Variants in CCDC146 observed in about 807,000 individuals in gnomAD.
CCDC146 encodes the protein coiled-coil domain-containing protein 146.
A neutral mutation model predicts 119.3 loss-of-function variants in CCDC146; 92 were observed. The ratio of observed to expected loss-of-function variants is 0.77; its 90% confidence interval spans 0.65 to 0.92. The LOEUF is 0.92. Ranked by LOEUF, CCDC146 falls within the 40% of genes least tolerant of loss-of-function variation. CCDC146 has a pLI of 0.00. For synonymous variants in CCDC146, 372 were observed against 371.8 expected, an observed-to-expected ratio of 1.00 and a Z score of -0.01; for missense variants, 1,000 against 1,103.0, an observed-to-expected ratio of 0.91 and a Z score of 1.32.
intron 2 of CCDC146, 97 bp downstream of exon 2, chr7:77,167,921 C>T (rs1791362238): frequency 2.1e-6 from 3 of 1,462,156 alleles, no homozygotes; most frequent in Non-Finnish European, 2.8e-6. Context: ...TTCTTTATTA[C>T]ATATATCCTG....
Position 77,274,645 on chromosome 7 carries a change from A to C in CCDC146, c.1433A>C (p.Lys478Thr). 6.2e-7 allele frequency: 1 copy of C among 1,605,372 alleles called. No individual in the cohort carries two copies. The highest frequency in any genetic ancestry group is 8.5e-7 in the Non-Finnish European group (1 of 1,177,466). Reference protein sequence around the residue: ...EKEQKSKDFLKAQQKYTNIVK... With the variant: ...EKEQKSKDFLTAQQKYTNIVK... Reference sequence around the variant, plus strand: ...GAACAAAAGTCCAAGGATTTCCTGAAAGCTCAGGTAACTGCATTTTTTTAA... The same window carrying C: ...GAACAAAAGTCCAAGGATTTCCTGACAGCTCAGGTAACTGCATTTTTTTAA... Residue 478 changes from lysine to threonine, a missense_variant, in exon 11 of 19, where the codon AAA (lysine) becomes ACA (threonine). By Grantham distance (78) the Lys-to-Thr change is moderately conservative. Transcript: ENST00000285871.
chr7:77,252,013 G>A (rs1294732460), intron 4 of CCDC146, among the ~76,000 whole-genome samples: 6 of 152,072 alleles, frequency 3.9e-5, no homozygotes, highest in Non-Finnish European at 7.4e-5. Context: ...GCTGGACGTG[G>A]TGGCACGTGC....
rs548412921 is a variant in CCDC146 at position 77,226,475 on chromosome 7, G to A, written c.157-10472G>A. Reference sequence around the variant, plus strand: ...CTCACTTGGTGAAAGCTCTTACTGAGCTATTACTTCCTTGAAATGTCCTAG... The same window carrying A: ...CTCACTTGGTGAAAGCTCTTACTGAACTATTACTTCCTTGAAATGTCCTAG... On this transcript the variant is annotated intron_variant, in intron 2 of 18. Coordinates refer to ENST00000285871, the MANE Select transcript of CCDC146 (RefSeq NM_020879.3). 3.3e-5 allele frequency among the ~76,000 whole-genome samples: 5 copies of A among 152,284 alleles called. No homozygotes were observed. In the East Asian group the frequency reaches 5.8e-4, roughly 18 times the overall value.
At chr7:77,254,858 T>C (rs1008038175) in intron 5 of CCDC146, among the ~76,000 whole-genome samples, 5 of 152,228 alleles carry the variant, frequency 3.3e-5, no homozygotes, top group African/African-American at 1.2e-4. Flanking sequence ...AAATATTATT[T>C]TGCTATAGCT....
chr7:77,239,141 A>G (rs1476987242), intron 3 of CCDC146, among the ~76,000 whole-genome samples: 1 of 152,190 alleles, frequency 6.6e-6, no homozygotes, highest in Non-Finnish European at 1.5e-5. Flanking sequence ...CATGTTTTAA[A>G]TACATGTGGG....
At chr7:77,206,662 T>TAC (rs1168609089) in intron 2 of CCDC146, among the ~76,000 whole-genome samples, 3 of 141,768 alleles carry the variant, frequency 2.1e-5, no homozygotes, top group African/African-American at 9.0e-5. Flanking sequence ...TATATATATA[T>TAC]ATATATATAT....
intron 14 of CCDC146, among the ~76,000 whole-genome samples, chr7:77,281,845 C>T (rs1430088348): frequency 1.3e-5 from 2 of 152,014 alleles, no homozygotes; most frequent in Non-Finnish European, 2.9e-5. Context: ...AGGTTTTTCT[C>T]CAGGGGAGAA....
At chr7:77,256,965 G>A (rs1793192332) in intron 6 of CCDC146, among the ~76,000 whole-genome samples, 1 of 152,280 alleles carries the variant, frequency 6.6e-6, no homozygotes, top group Non-Finnish European at 1.5e-5. Flanking sequence ...TTAGCCGGGT[G>A]TGTGATGGTG....
At chr7:77,237,221 G>A in intron 3 of CCDC146, 192 bp downstream of exon 3, 2 of 580,212 alleles carry the variant, frequency 3.4e-6, no homozygotes, top group Non-Finnish European at 6.3e-6. Flanking sequence ...AAGGAATCTA[G>A]CCTTGATCAG....
Position 77,274,472 on chromosome 7 carries a change from T to C in CCDC146, c.1270-10T>C. The C allele has an allele frequency of 6.7e-7, 1 of 1,499,218 alleles. No homozygotes were observed. Among genetic ancestry groups the C allele is most frequent in the Non-Finnish European group, 9.0e-7 (1 of 1,114,090 alleles). The allele number at this position is 1,499,218 out of a possible 1,614,324, so 92.9% of individuals were successfully genotyped here. A position where few individuals can be genotyped will look rare whatever the true frequency, so the allele number is the denominator to read the frequency against. On this transcript the variant is annotated splice_polypyrimidine_tract_variant and intron_variant, in intron 10 of 18. Transcript: ENST00000285871. ...TAACTTATAATATTATCTGTGTTTT[T>C]TTTCAAAAGAAAATTATATCAGAAA...
chr7:77,225,875 G>A lies in CCDC146; in HGVS notation c.157-11072G>A, dbSNP rs188972500. Among the ~76,000 whole-genome samples, 1,332 of 152,146 alleles carry A rather than the reference G, an allele frequency of 8.8e-3. 16 individuals are homozygous for A. The highest frequency in any genetic ancestry group is 0.03 in the African/African-American group (1,251 of 41,494). On this transcript the variant is annotated intron_variant, in intron 2 of 18. Coordinates refer to ENST00000285871, the MANE Select transcript of CCDC146 (RefSeq NM_020879.3). The stretch of plus-strand genomic sequence containing the variant: ...GGAGAATCGCTTGAACCCTGGAGGC[G>A]GAGGTTGCAGTGAGCTGAGATTGCG...
chr7:77,225,301 C>G (rs1584089128), intron 2 of CCDC146, among the ~76,000 whole-genome samples: 1 of 152,100 alleles, frequency 6.6e-6, no homozygotes, highest in Admixed American at 6.5e-5. Flanking sequence ...AATCCCATCA[C>G]TTTTGGGGAG....
chr7:77,230,930 C>G lies in CCDC146; in HGVS notation c.157-6017C>G, dbSNP rs181760807. 4.0e-3 allele frequency among the ~76,000 whole-genome samples: 608 copies of G among 152,284 alleles called. 11 individuals are homozygous for G. The highest frequency in any genetic ancestry group is 0.033 in the Admixed American group (501 of 15,294). On this transcript the variant is annotated intron_variant, in intron 2 of 18. Transcript: ENST00000285871. ...ATTCAAATTATATACAGTAGTCCCC[C>G]CCACCATCTGCAATTTTATGTTCTG... is the stretch of plus-strand genomic sequence containing the variant.
chr7:77,211,871 C>T (rs1459965712), intron 2 of CCDC146, among the ~76,000 whole-genome samples: 1 of 152,148 alleles, frequency 6.6e-6, no homozygotes, highest in Non-Finnish European at 1.5e-5. Context: ...CCACCCCAGC[C>T]TCTCAAAGTG....
chr7:77,186,025 C>T (rs574462159), intron 2 of CCDC146, among the ~76,000 whole-genome samples: 1 of 152,244 alleles, frequency 6.6e-6, no homozygotes, highest in South Asian at 2.1e-4. Context: ...AAAAGGGAAG[C>T]CTCATACACT....
chr7:77,279,407 T>C (rs561844864), intron 13 of CCDC146, among the ~76,000 whole-genome samples: 9 of 152,352 alleles, frequency 5.9e-5, no homozygotes, highest in African/African-American at 2.2e-4. Context: ...ATTTTTTTAA[T>C]GAATGAAAAA....
At chr7:77,287,351 G>A (rs541478205) in intron 16 of CCDC146, 89 bp from the exon 17 acceptor site, 51 of 1,360,616 alleles carry the variant, frequency 3.7e-5, no homozygotes, top group East Asian at 4.6e-5. Flanking sequence ...TTTGTGGGGG[G>A]TAGGGGGAGA....
At chr7:77,219,922 G>A (rs1008495010) in intron 2 of CCDC146, among the ~76,000 whole-genome samples, 22 of 152,184 alleles carry the variant, frequency 1.4e-4, no homozygotes, top group African/African-American at 4.6e-4. Flanking sequence ...CAAGGGCAGA[G>A]AGGCAGAGAG....
chr7:77,205,990 T>A (rs1466760243), intron 2 of CCDC146, among the ~76,000 whole-genome samples: 1 of 152,126 alleles, frequency 6.6e-6, no homozygotes, highest in African/African-American at 2.4e-5. Context: ...CAGTATGAGA[T>A]CTAAAAGAAG....
Sources: allele counts gnomAD v4.1 joint callset (sites outside exome capture counted in the v4.1 genomes callset), GRCh38; gene constraint gnomAD v4.1.1; transcripts MANE v1.5; gene names NCBI Gene and HGNC (gene_info 2026-07-23, HGNC 2026-07-21).